The following FYB2 variants were observed in gnomAD, a reference collection of about 807,000 sequenced individuals.
FYB2 encodes the protein FYN-binding protein 2.
A neutral mutation model predicts 94.1 loss-of-function variants in FYB2; 103 were observed. That is an observed-to-expected ratio of 1.09 (90% CI 0.93 to 1.29). FYB2 has a LOEUF of 1.29. FYB2 is among the 50% of genes most tolerant of loss of function. The pLI is 0.00. For synonymous variants in FYB2, 293 were observed against 287.9 expected (o/e 1.02, Z -0.18); for missense variants, 896 against 841.5 (o/e 1.06, Z -0.80).
chr1:56,792,390 C>T lies in FYB2; in HGVS notation c.423G>A (p.Trp141Ter), dbSNP rs138541313. ...TCTGAGATGAAACCTTCTCCCAGTT[C>T]CAGAGTTTGTTTCTGAAGCTATTGG... ...MVANSFRNKLWNWEKVSSQKS... is the reference protein window; with the variant it reads ...MVANSFRNKL The change falls in exon 2 of 20, where the codon TGG becomes TGA. Residue 141 changes from tryptophan to a stop codon, truncating the protein, a stop_gained. Transcript: ENST00000343433. LOFTEE classifies it high-confidence loss of function. 1 of 1,614,142 alleles carries T rather than the reference C, an allele frequency of 6.2e-7. No individual in the cohort carries two copies. The highest frequency in any genetic ancestry group is 8.5e-7 in the Non-Finnish European group (1 of 1,180,016).
chr1:56,821,552 T>C (rs1035885328), upstream of FYB2, among the ~76,000 whole-genome samples: 2 of 152,022 alleles, frequency 1.3e-5, no homozygotes, highest in African/African-American at 4.8e-5. Context: ...AACAAGAGTC[T>C]GGCAGCGTTG....
At chr1:56,789,254 A>G in intron 2 of FYB2, 120 bp from the exon 3 acceptor site, 1 of 1,151,562 alleles carries the variant, frequency 8.7e-7, no homozygotes, top group Non-Finnish European at 1.2e-6. Flanking sequence ...CCCAACAGCT[A>G]GAGTGCCCTG....
chr1:56,719,444 A>AAGT lies in FYB2; in HGVS notation c.*224_*226dup. On this transcript the variant is annotated 3_prime_UTR_variant, in exon 20 of 20. Coordinates refer to ENST00000343433, the MANE Select transcript of FYB2 (RefSeq NM_001004303.5). ...TTCACATTCTCTTGAACTGACAGTGAAGTAGATACTGAAATAGACATTGAA... is the reference window on the plus strand; with the variant it reads ...TTCACATTCTCTTGAACTGACAGTGAAGTAGTAGATACTGAAATAGACATTGAA... 2.1e-6 allele frequency: 1 copy of AAGT among 484,530 alleles called. No individual in the cohort carries two copies. Among genetic ancestry groups the AAGT allele is most frequent in the Non-Finnish European group, 3.6e-6 (1 of 274,398 alleles). The allele number at this position is 484,530 out of a possible 1,614,324, so 30.0% of individuals were successfully genotyped here. A position where few individuals can be genotyped will look rare whatever the true frequency, so the allele number is the denominator to read the frequency against.
At chr1:56,740,453 C>T (rs1401530918) in intron 13 of FYB2, among the ~76,000 whole-genome samples, 1 of 152,034 alleles carries the variant, frequency 6.6e-6, no homozygotes, top group Non-Finnish European at 1.5e-5. Flanking sequence ...AAGATTTTCC[C>T]TCTACCCTTA....
rs534577367 is a variant in FYB2, at chr1:56,776,136, A to G, written c.954-8198T>C. ...TGCACTACAAGTCACTCTAGAACTGAGGGAAAACTGAAAAATGAAAATAAT... is the reference window on the plus strand; with the variant it reads ...TGCACTACAAGTCACTCTAGAACTGGGGGAAAACTGAAAAATGAAAATAAT... On this transcript the variant is annotated intron_variant, in intron 4 of 19. Coordinates refer to ENST00000343433, the MANE Select transcript of FYB2 (RefSeq NM_001004303.5). 1.5e-4 allele frequency among the ~76,000 whole-genome samples: 23 copies of G among 152,248 alleles called. No homozygotes were observed. In the South Asian group the frequency reaches 4.4e-3, roughly 29 times the overall value.
chr1:56,807,342 A>G (rs1646670949), intron 1 of FYB2, among the ~76,000 whole-genome samples: 1 of 152,138 alleles, frequency 6.6e-6, no homozygotes, highest in East Asian at 1.9e-4. Context: ...TTTGTTTTCT[A>G]TATTAGAGTC....
At chr1:56,769,453 T>C (rs923209096) in intron 4 of FYB2, among the ~76,000 whole-genome samples, 1 of 152,056 alleles carries the variant, frequency 6.6e-6, no homozygotes, top group African/African-American at 2.4e-5. Context: ...AAGTCCAACA[T>C]ACATATATTA....
chr1:56,737,397 A>G, intron 14 of FYB2: 1 of 315,114 alleles, frequency 3.2e-6, no homozygotes, highest in Non-Finnish European at 5.7e-6. Context: ...ATATATTTAT[A>G]TTAATTTGCT....
At chr1:56,757,065 G>A (rs1303451851) in intron 6 of FYB2, among the ~76,000 whole-genome samples, 1 of 152,020 alleles carries the variant, frequency 6.6e-6, no homozygotes, top group Non-Finnish European at 1.5e-5. Flanking sequence ...CACTCACTGA[G>A]CTTAAAAATA....
At chr1:56,722,213 C>T (rs567813324) in intron 17 of FYB2, among the ~76,000 whole-genome samples, 16 of 152,216 alleles carry the variant, frequency 1.1e-4, no homozygotes, top group African/African-American at 3.8e-4. Flanking sequence ...TAACCCCAAT[C>T]AGCTTTGGTT....
rs1449844777 is a variant in FYB2 at position 56,744,156 on chromosome 1, C to G, written c.1498G>C (p.Glu500Gln). Residue 500 changes from glutamate (E) to glutamine (Q), a missense_variant, in exon 10 of 20, where the codon GAG (glutamate) becomes CAG (glutamine). Physicochemically the swap from Glu to Gln is conservative, Grantham distance 29. Coordinates refer to ENST00000343433, the MANE Select transcript of FYB2 (RefSeq NM_001004303.5). The part of the protein sequence containing the change: ...IYDDVEYSRK[E>Q]VPKLNYSSSL... ...AAAGACTGGAATGTTACTTACACCT[C>G]TTTCCTGGAGTACTCGACATCATCA... The G allele has an allele frequency of 1.9e-6, 3 of 1,612,448 alleles. No homozygotes were observed. Among genetic ancestry groups the G allele is most frequent in the South Asian group, 2.2e-5 (2 of 91,032 alleles).
At chr1:56,755,815 T>C in intron 7 of FYB2, 81 bp downstream of exon 7, 1 of 1,357,452 alleles carries the variant, frequency 7.4e-7, no homozygotes. Context: ...GAAACATAGC[T>C]GGCCCATAGA....
chr1:56,810,361 T>C lies in FYB2; in HGVS notation c.9+8921A>G, dbSNP rs180880270. 8.0e-4 allele frequency among the ~76,000 whole-genome samples: 121 copies of C among 151,880 alleles called. 1 individual carries two copies. The highest frequency in any genetic ancestry group is 7.9e-3 in the Admixed American group (121 of 15,262). On this transcript the variant is annotated intron_variant, in intron 1 of 19. Transcript: ENST00000343433. Reference sequence around the variant, plus strand: ...GTACCCCTTGGCTCTAGTCATTCTGTGAAACTACCCTATGAAGTACCCTCT... The same window carrying C: ...GTACCCCTTGGCTCTAGTCATTCTGCGAAACTACCCTATGAAGTACCCTCT...
At chr1:56,785,171 C>A (rs1176823707) in intron 4 of FYB2, among the ~76,000 whole-genome samples, 2 of 152,144 alleles carry the variant, frequency 1.3e-5, no homozygotes, top group African/African-American at 4.8e-5. Flanking sequence ...GCAAGTTTAT[C>A]CTCCATGTTG....
At position 56,753,883 on chromosome 1, in the gene FYB2, G is replaced by A. The variant is rs1203800771; in HGVS notation, c.1183C>T (p.Pro395Ser). The A allele has an allele frequency of 3.7e-6, 6 of 1,611,538 alleles. 1 individual carries two copies. The highest frequency in any genetic ancestry group is 3.4e-6 in the Non-Finnish European group (4 of 1,178,244). ...TATGGTTCCTTTTCTGTGTTTTTAG[G>A]TTTCAATTCACATGGTTGTTTTTCC... Reference protein sequence around the residue: ...MKEKQPCELKPKNTEKEPYSN... With the variant: ...MKEKQPCELKSKNTEKEPYSN... The change falls in exon 8 of 20, where the codon CCT (proline) becomes TCT (serine). Residue 395 changes from proline to serine, a missense_variant. Coordinates refer to ENST00000343433, the MANE Select transcript of FYB2 (RefSeq NM_001004303.5).
chr1:56,773,298 T>C (rs1645802728), intron 4 of FYB2, among the ~76,000 whole-genome samples: 1 of 152,182 alleles, frequency 6.6e-6, no homozygotes, highest in Non-Finnish European at 1.5e-5. Flanking sequence ...GAATAATTAG[T>C]TAACCTCTGT....
At chr1:56,740,531 A>C (rs1339994043) in intron 13 of FYB2, among the ~76,000 whole-genome samples, 166 bp downstream of exon 13, 1 of 152,010 alleles carries the variant, frequency 6.6e-6, no homozygotes, top group African/African-American at 2.4e-5. Context: ...GTCTCTGTGC[A>C]TGTAGTTCAA....
chr1:56,808,190 G>A (rs1431863455), intron 1 of FYB2, among the ~76,000 whole-genome samples: 1 of 152,076 alleles, frequency 6.6e-6, no homozygotes, highest in Non-Finnish European at 1.5e-5. Context: ...CCATTTTACA[G>A]ATGAAGAAAT....
At chr1:56,787,113 A>T (rs1646148565) in intron 4 of FYB2, 62 bp downstream of exon 4, 2 of 1,565,200 alleles carry the variant, frequency 1.3e-6, no homozygotes, top group Non-Finnish European at 1.8e-6. Context: ...CCTGCTCTGG[A>T]GCAGTCTAAG....
Sources: gnomAD v4.1 joint callset for allele counts (sites outside exome capture counted in the v4.1 genomes callset) on GRCh38, gnomAD v4.1.1 for gene constraint, MANE v1.5 for transcripts, NCBI Gene and HGNC (gene_info 2026-07-23, HGNC 2026-07-21) for gene names.